The following RSRC2 variants were observed in gnomAD, a reference collection of about 807,000 sequenced individuals.
RSRC2 encodes arginine/serine-rich coiled-coil protein 2.
Under a neutral mutation model 61.3 loss-of-function variants are expected in RSRC2, and 5 were observed. The observed-to-expected ratio is 0.08, with a 90% confidence interval of 0.04 to 0.17. RSRC2 has a LOEUF of 0.17. RSRC2 is among the 10% of genes least tolerant of loss of function. The pLI is 1.00. For synonymous variants in RSRC2, 202 were observed against 166.5 expected (o/e 1.21, Z -1.64); for missense variants, 381 against 518.8 (o/e 0.73, Z 2.58).
At chr12:122,507,592 C>T (rs75970337) in intron 8 of RSRC2, among the ~76,000 whole-genome samples, 4,817 of 150,916 alleles carry the variant, frequency 0.032, 272 homozygotes, top group African/African-American at 0.11. Flanking sequence ...TATTAGTTTT[C>T]TTTGAAAGCT....
intron 1 of RSRC2, among the ~76,000 whole-genome samples, chr12:122,525,022 ACTGT>A (rs1469681729): frequency 6.6e-6 from 1 of 151,996 alleles, no homozygotes; most frequent in Non-Finnish European, 1.5e-5. Context: ...TCTCTAGGGG[ACTGT>A]CTTTTTATTG....
intron 3 of RSRC2, chr12:122,520,639 C>T: frequency 8.5e-7 from 1 of 1,177,468 alleles, no homozygotes. Flanking sequence ...TAGTCATTTT[C>T]ACAAAAACTC....
Position 122,515,227 on chromosome 12 carries a change from T to G in RSRC2, c.603A>C (p.Arg201=). 6.2e-7 allele frequency: 1 copy of G among 1,613,244 alleles called. No individual in the cohort carries two copies. The highest frequency in any genetic ancestry group is 8.5e-7 in the Non-Finnish European group (1 of 1,179,708). The change falls in exon 6 of 10, where the codon CGA becomes CGC. Residue 201 remains arginine (R), a splice_region_variant and synonymous_variant. Transcript: ENST00000331738. ...GCTTTTCAATTCTCTTCTTTCTATC[T>G]CTGTAGTAAATCGTATTTCATATGT... The part of the protein sequence containing the change: ...RSRSRTRSRS[R]DRKKRIEKPR...
At chr12:122,522,518 G>T (rs764196281) in intron 1 of RSRC2, 12 of 343,776 alleles carry the variant, frequency 3.5e-5, no homozygotes, top group East Asian at 9.8e-5. Flanking sequence ...TTAGACTGAT[G>T]TATCTTTAAT....
chr12:122,514,968 A>G (rs886469314), intron 6 of RSRC2, 137 bp downstream of exon 6: 1 of 937,596 alleles, frequency 1.1e-6, no homozygotes, highest in Non-Finnish European at 1.6e-6. Context: ...CTATTTACAT[A>G]GTTCTAGATC....
chr12:122,513,867 C>T (rs995980385), intron 6 of RSRC2: 11 of 951,598 alleles, frequency 1.2e-5, no homozygotes, highest in South Asian at 4.8e-5. Flanking sequence ...AGGGAGACCC[C>T]GTCTTCTCTA....
chr12:122,508,812 C>T (rs1008111987), intron 7 of RSRC2, among the ~76,000 whole-genome samples: 12 of 151,812 alleles, frequency 7.9e-5, no homozygotes, highest in African/African-American at 2.9e-4. Flanking sequence ...CAAAATTAGC[C>T]GGGCGTGGTG....
intron 3 of RSRC2, chr12:122,520,459 A>C (rs373415228): frequency 9.7e-7 from 1 of 1,031,370 alleles, no homozygotes; most frequent in Non-Finnish European, 1.4e-6. Context: ...TAACTGATTT[A>C]AGATATATTT....
At chr12:122,512,312 C>T (rs1472182181) in intron 6 of RSRC2, among the ~76,000 whole-genome samples, 1 of 152,162 alleles carries the variant, frequency 6.6e-6, no homozygotes. Context: ...ATCAATCAAG[C>T]CAAATGCCAC....
chr12:122,504,188 T>C lies in RSRC2; in HGVS notation c.*1339A>G, dbSNP rs1958000239. 6.6e-6 allele frequency: 1 copy of C among 152,202 alleles called. No homozygotes were observed. The highest frequency in any genetic ancestry group is 2.4e-5 in the African/African-American group (1 of 41,446). The allele number at this position is 152,202 out of a possible 1,614,324, so 9.4% of individuals were successfully genotyped here. A position where few individuals can be genotyped will look rare whatever the true frequency, so the allele number is the denominator to read the frequency against. The stretch of plus-strand genomic sequence containing the variant: ...TTCCTGTAGTCTTCCCTGATTGTAA[T>C]GTGCTCTCATTCTGTGATGTTTTCC... On this transcript the variant is annotated 3_prime_UTR_variant, in exon 10 of 10. Transcript: ENST00000331738.
In RSRC2 at chr12:122,515,094, A is replaced by G; in HGVS notation, c.725+11T>C. ...GCGAACTGGAACAAATGAATTAAGAAATATACACACCTTCTAGCTAAAGCT... is the reference window on the plus strand; with the variant it reads ...GCGAACTGGAACAAATGAATTAAGAGATATACACACCTTCTAGCTAAAGCT... On this transcript the variant is annotated intron_variant, in intron 6 of 9. Transcript: ENST00000331738. 6.2e-7 allele frequency: 1 copy of G among 1,609,412 alleles called. No individual in the cohort carries two copies. Among genetic ancestry groups the G allele is most frequent in the Admixed American group, 1.7e-5 (1 of 58,646 alleles).
intron 6 of RSRC2, among the ~76,000 whole-genome samples, chr12:122,512,496 G>A (rs1319201994): frequency 1.3e-5 from 2 of 152,184 alleles, no homozygotes; most frequent in Non-Finnish European, 2.9e-5. Flanking sequence ...GGGAGGCTGA[G>A]GTGGGTGGAT....
At chr12:122,513,743 A>T (rs1731964593) in intron 6 of RSRC2, 1 of 980,230 alleles carries the variant, frequency 1.0e-6, no homozygotes, top group Non-Finnish European at 1.2e-6. Flanking sequence ...CACTAAGGTG[A>T]ATGGAAAGAA....
chr12:122,508,429 G>C lies in RSRC2; in HGVS notation c.824C>G (p.Ser275Cys). Residue 275 changes from serine (S) to cysteine (C), a missense_variant, in exon 8 of 10, where the codon TCT becomes TGT. By Grantham distance (112) the Ser-to-Cys change is moderately radical. Transcript: ENST00000331738. ...CAACAGGGCAGCAACATTGAGAACA[G>C]AACCTCCAGTAGCTGCAGCTGCTTG... ...EIAAAAATGG[S>C]VLNVAALLAS... The C allele has an allele frequency of 6.2e-7, 1 of 1,613,982 alleles. No individual in the cohort carries two copies.
At chr12:122,510,524 G>A (rs571022952) in intron 7 of RSRC2, among the ~76,000 whole-genome samples, 2 of 150,182 alleles carry the variant, frequency 1.3e-5, no homozygotes, top group South Asian at 2.1e-4. Flanking sequence ...GCGAGACTCC[G>A]TAACAACAAC....
At chr12:122,507,718 A>AT (rs63636761) in intron 8 of RSRC2, among the ~76,000 whole-genome samples, 130,445 of 143,314 alleles carry the variant, frequency 0.91, 59,517 homozygotes, top group East Asian at 0.98. Context: ...CAGTGGCGTG[A>AT]TTTTTTTTTT....
At chr12:122,519,097 T>C (rs747503217) in intron 3 of RSRC2, 68 bp from the exon 4 acceptor site, 10 of 1,313,004 alleles carry the variant, frequency 7.6e-6, no homozygotes, top group South Asian at 2.4e-5. Flanking sequence ...TGGGTATCAG[T>C]AGACAAAAAT....
At chr12:122,510,690 T>C (rs936413242) in intron 7 of RSRC2, among the ~76,000 whole-genome samples, 2 of 149,932 alleles carry the variant, frequency 1.3e-5, no homozygotes, top group South Asian at 2.1e-4. Context: ...TGATGGGAAG[T>C]AGGAATCATA....
chr12:122,507,718 A>ATTT (rs63636761), intron 8 of RSRC2, among the ~76,000 whole-genome samples: 43 of 143,304 alleles, frequency 3.0e-4, no homozygotes, highest in African/African-American at 7.7e-4. Flanking sequence ...CAGTGGCGTG[A>ATTT]TTTTTTTTTT....
Sources: allele counts gnomAD v4.1 joint callset (sites outside exome capture counted in the v4.1 genomes callset), GRCh38; gene constraint gnomAD v4.1.1; transcripts MANE v1.5; gene names NCBI Gene and HGNC (gene_info 2026-07-23, HGNC 2026-07-21).